Variants in UACA observed in about 807,000 individuals in gnomAD.
UACA encodes nuclear membrane binding protein.
UACA carries 112 observed loss-of-function variants against 160.5 expected under a neutral mutation model. That is an observed-to-expected ratio of 0.70 (90% CI 0.60 to 0.82). The LOEUF is 0.82. Ranked by LOEUF, UACA falls within the 40% of genes least tolerant of loss-of-function variation. The pLI, the probability that UACA is intolerant of heterozygous loss-of-function variation, is 0.00. For synonymous variants in UACA, 557 were observed against 568.4 expected (o/e 0.98, Z 0.29); for missense variants, 1,574 against 1,614.6 (o/e 0.97, Z 0.43).
At chr15:70,751,526 G>A (rs1445677683) in intron 1 of UACA, among the ~76,000 whole-genome samples, 1 of 152,188 alleles carries the variant, frequency 6.6e-6, no homozygotes, top group Non-Finnish European at 1.5e-5. Context: ...AATATGCCTT[G>A]TATCATTTAA....
At chr15:70,761,176 T>C (rs2030731293) in intron 1 of UACA, among the ~76,000 whole-genome samples, 1 of 152,136 alleles carries the variant, frequency 6.6e-6, no homozygotes, top group Non-Finnish European at 1.5e-5. Context: ...AGCATTTCTA[T>C]AAAGGGTGAC....
intron 1 of UACA, among the ~76,000 whole-genome samples, chr15:70,700,407 A>G (rs1048975765): frequency 6.6e-6 from 1 of 151,018 alleles, no homozygotes; most frequent in Non-Finnish European, 1.5e-5. Flanking sequence ...ACATAGAAAA[A>G]ACTAAAAATG....
At chr15:70,658,906 T>A (rs1341289318) in intron 18 of UACA, among the ~76,000 whole-genome samples, 1 of 152,270 alleles carries the variant, frequency 6.6e-6, no homozygotes, top group Non-Finnish European at 1.5e-5. Flanking sequence ...TGATGTCAAT[T>A]GCTTTTGTTA....
chr15:70,666,189 T>C (rs1303361797), intron 16 of UACA, among the ~76,000 whole-genome samples: 1 of 152,194 alleles, frequency 6.6e-6, no homozygotes, highest in Non-Finnish European at 1.5e-5. Flanking sequence ...AGAAGGAGGA[T>C]AACATGTTAA....
chr15:70,763,514 C>T lies in UACA; in HGVS notation c.-107G>A. On this transcript the variant is annotated 5_prime_UTR_variant, in exon 1 of 19. Coordinates refer to ENST00000322954, the MANE Select transcript of UACA (RefSeq NM_018003.4). ...GCAGAGGCGGCGCGGGCTGTACCAG[C>T]CCCACCTGCCTGCCACCTGCGGGCC... 8.0e-7 allele frequency: 1 copy of T among 1,248,814 alleles called. No individual in the cohort carries two copies. The highest frequency in any genetic ancestry group is 1.0e-6 in the Non-Finnish European group (1 of 991,182). 77.4% of individuals were successfully genotyped at this position (1,248,814 alleles called of 1,614,324 possible).
In UACA at chr15:70,667,330, C is replaced by T. The variant is rs755483322; in HGVS notation, c.3354G>A (p.Glu1118=). The T allele has an allele frequency of 6.2e-7, 1 of 1,612,698 alleles. No homozygotes were observed. Among genetic ancestry groups the T allele is most frequent in the Non-Finnish European group, 8.5e-7 (1 of 1,179,798 alleles). ...TGCCATTAAGAGATTTTTTCAGAGC[C>T]TCAACCTGTTCCAATGGAACATGTT... is the stretch of plus-strand genomic sequence containing the variant. ...QKQHVPLEQV[E]ALKKSLNGTI... The change falls in exon 16 of 19, where the codon GAG becomes GAA. Residue 1118 remains glutamate, a synonymous_variant. Transcript: ENST00000322954.
At chr15:70,745,296 G>A (rs867687847) in intron 1 of UACA, among the ~76,000 whole-genome samples, 6 of 152,008 alleles carry the variant, frequency 3.9e-5, no homozygotes, top group African/African-American at 4.8e-5. Context: ...TTAGCCGGGC[G>A]TGGTGGTGGG....
intron 1 of UACA, among the ~76,000 whole-genome samples, chr15:70,729,298 G>C (rs373489818): frequency 1.3e-5 from 2 of 152,138 alleles, no homozygotes; most frequent in South Asian, 4.1e-4. Flanking sequence ...GTCCCATCAA[G>C]AGTGGACTGG....
chr15:70,685,301 C>A (rs1467058368), intron 7 of UACA, among the ~76,000 whole-genome samples: 1 of 152,064 alleles, frequency 6.6e-6, no homozygotes, highest in Non-Finnish European at 1.5e-5. Context: ...TTTGTCTAAT[C>A]CTCTATTTTT....
chr15:70,772,202 A>G, the UACA span, among the ~76,000 whole-genome samples: 2 of 152,130 alleles, frequency 1.3e-5, no homozygotes, highest in Non-Finnish European at 2.9e-5. Flanking sequence ...AGGTAGTAAG[A>G]TATTAAGAAT....
chr15:70,757,535 G>A (rs1478165845), intron 1 of UACA, among the ~76,000 whole-genome samples: 1 of 152,052 alleles, frequency 6.6e-6, no homozygotes, highest in Non-Finnish European at 1.5e-5. Context: ...TCTATTAGTG[G>A]CAGTAAAGTA....
chr15:70,739,305 C>A (rs1899459685), intron 1 of UACA, among the ~76,000 whole-genome samples: 1 of 152,092 alleles, frequency 6.6e-6, no homozygotes, highest in Admixed American at 6.6e-5. Flanking sequence ...AGAGGTTGTC[C>A]TGCACATTGT....
chr15:70,667,351 ATGT>A lies in UACA; in HGVS notation c.3330_3332del (p.Gln1110del), dbSNP rs552400386. 1.6e-4 allele frequency: 258 copies of A among 1,613,108 alleles called. 2 individuals are homozygous for A. In the South Asian group the frequency reaches 2.6e-3, roughly 16 times the overall value. ...GAGCCTCAACCTGTTCCAATGGAAC[ATGT>A]TGTTTTTGCAAAAGATTTTGCACTG... On this transcript the variant is annotated inframe_deletion, in exon 16 of 19. Transcript: ENST00000322954.
chr15:70,714,252 G>A (rs1898764542), intron 1 of UACA, among the ~76,000 whole-genome samples: 1 of 152,106 alleles, frequency 6.6e-6, no homozygotes, highest in Non-Finnish European at 1.5e-5. Context: ...ATTCCATTTA[G>A]TCCAAAGGTT....
At chr15:70,728,221 T>C (rs534457034) in intron 1 of UACA, among the ~76,000 whole-genome samples, 1 of 152,166 alleles carries the variant, frequency 6.6e-6, no homozygotes, top group South Asian at 2.1e-4. Flanking sequence ...TATACAAAAA[T>C]GAACTCAAGA....
intron 1 of UACA, among the ~76,000 whole-genome samples, chr15:70,748,489 C>T (rs989366860): frequency 6.6e-6 from 1 of 152,128 alleles, no homozygotes; most frequent in Non-Finnish European, 1.5e-5. Flanking sequence ...GGAATAAAAG[C>T]CCAACAGAAG....
chr15:70,669,932 T>C (rs1897078070), intron 15 of UACA, among the ~76,000 whole-genome samples: 1 of 152,232 alleles, frequency 6.6e-6, no homozygotes. Flanking sequence ...TTTCATAGAA[T>C]TATAGATTTA....
At chr15:70,675,199 T>C (rs1231416971) in intron 13 of UACA, among the ~76,000 whole-genome samples, 1 of 152,080 alleles carries the variant, frequency 6.6e-6, no homozygotes, top group Non-Finnish European at 1.5e-5. Context: ...TCACATAGAG[T>C]TGATTTCTTT....
the UACA span, chr15:70,778,645 A>C: frequency 6.6e-6 from 1 of 152,188 alleles, no homozygotes; most frequent in Non-Finnish European, 1.5e-5. Flanking sequence ...TCACATCTAC[A>C]AAGACCCCTC....
Sources: allele counts gnomAD v4.1 joint callset (sites outside exome capture counted in the v4.1 genomes callset), GRCh38; gene constraint gnomAD v4.1.1; transcripts MANE v1.5; gene names NCBI Gene and HGNC (gene_info 2026-07-23, HGNC 2026-07-21).